The following DLG2 variants were observed in gnomAD, a reference collection of about 807,000 sequenced individuals.
DLG2 encodes the protein discs large MAGUK scaffold protein 2, also known as disks large homolog 2.
Under a neutral mutation model 132.5 loss-of-function variants are expected in DLG2, and 45 were observed. That is an observed-to-expected ratio of 0.34 (90% CI 0.27 to 0.44). The LOEUF is 0.44. Among genes scored for constraint, DLG2 ranks in the 20% least tolerant of loss-of-function variants. DLG2 has a pLI of 1.00. For missense variants in DLG2, 1,045 were observed against 1,196.9 expected (o/e 0.87, Z 1.87); for synonymous variants, 424 against 419.6 (o/e 1.01, Z -0.13).
chr11:84,195,724 C>T (rs370700129), intron 8 of DLG2, among the ~76,000 whole-genome samples: 7 of 152,192 alleles, frequency 4.6e-5, no homozygotes, highest in Non-Finnish European at 8.8e-5. Context: ...CACTTCCACA[C>T]GAAACTTCTG....
intron 6 of DLG2, among the ~76,000 whole-genome samples, chr11:84,914,972 G>A (rs2092362227): frequency 6.6e-6 from 1 of 152,150 alleles, no homozygotes; most frequent in South Asian, 2.1e-4. Context: ...CCAAAGGCCA[G>A]GGACAGGGAA....
At chr11:85,212,921 G>A (rs183628006) in intron 4 of DLG2, among the ~76,000 whole-genome samples, 19 of 152,240 alleles carry the variant, frequency 1.2e-4, no homozygotes, top group Middle Eastern at 3.4e-3. Flanking sequence ...CCAGATAAAA[G>A]TAAGATGAAA....
chr11:84,917,195 C>T (rs1270107552), intron 6 of DLG2, among the ~76,000 whole-genome samples: 1 of 152,108 alleles, frequency 6.6e-6, no homozygotes, highest in East Asian at 1.9e-4. Context: ...GTAATAGGTA[C>T]TATATCAAAT....
At chr11:85,582,760 A>G (rs1225810969) in intron 3 of DLG2, among the ~76,000 whole-genome samples, 1 of 143,712 alleles carries the variant, frequency 7.0e-6, no homozygotes, top group Non-Finnish European at 1.5e-5. Context: ...TTATTTTTGA[A>G]TAACTTTTTT....
intron 3 of DLG2, among the ~76,000 whole-genome samples, chr11:85,495,225 T>A (rs2093643839): frequency 6.6e-6 from 1 of 152,206 alleles, no homozygotes; most frequent in Non-Finnish European, 1.5e-5. Context: ...ATCACTGCTC[T>A]TGAATGTTTA....
intron 18 of DLG2, among the ~76,000 whole-genome samples, chr11:83,695,483 C>T (rs1388623687): frequency 6.6e-6 from 1 of 152,172 alleles, no homozygotes; most frequent in Non-Finnish European, 1.5e-5. Context: ...TGGCTCACGC[C>T]TCTAATCCCA....
chr11:84,956,071 G>T (rs192087791), intron 6 of DLG2, among the ~76,000 whole-genome samples: 1 of 152,260 alleles, frequency 6.6e-6, no homozygotes, highest in East Asian at 1.9e-4. Flanking sequence ...TCATCAGCCT[G>T]TGGTTTATGA....
chr11:84,242,152 T>G (rs2097237340), intron 8 of DLG2, among the ~76,000 whole-genome samples: 1 of 152,122 alleles, frequency 6.6e-6, no homozygotes, highest in African/African-American at 2.4e-5. Flanking sequence ...CACATAACAG[T>G]CACATTCTTC....
chr11:83,789,397 T>C lies in DLG2; in HGVS notation c.1723-2605A>G, dbSNP rs60028793. On this transcript the variant is annotated intron_variant, in intron 17 of 27. Coordinates refer to ENST00000376104, the MANE Select transcript of DLG2 (RefSeq NM_001142699.3). Reference sequence around the variant, plus strand: ...GGGCGGGGCGGGAGGGGGGGCAGCATTGAGGAGAATTTGATAATTCACATT... The same window carrying C: ...GGGCGGGGCGGGAGGGGGGGCAGCACTGAGGAGAATTTGATAATTCACATT... Among the ~76,000 whole-genome samples the C allele has an allele frequency of 8.6e-3, 1,310 of 151,888 alleles. 25 individuals carry two copies. The highest frequency in any genetic ancestry group is 0.029 in the African/African-American group (1,202 of 41,304).
At chr11:83,538,171 C>G (rs893358144) in intron 20 of DLG2, among the ~76,000 whole-genome samples, 1 of 152,176 alleles carries the variant, frequency 6.6e-6, no homozygotes, top group Non-Finnish European at 1.5e-5. Context: ...ATTATGATAA[C>G]GCTGCCCATA....
intron 19 of DLG2, among the ~76,000 whole-genome samples, chr11:83,600,964 T>C (rs2058441171): frequency 1.3e-5 from 2 of 152,226 alleles, no homozygotes; most frequent in Non-Finnish European, 2.9e-5. Flanking sequence ...AAGCATTGCC[T>C]ATAGGTATTT....
At chr11:85,228,629 T>C (rs769739738) in intron 4 of DLG2, among the ~76,000 whole-genome samples, 4 of 152,058 alleles carry the variant, frequency 2.6e-5, no homozygotes, top group African/African-American at 7.2e-5. Context: ...TTGATATTAA[T>C]ATAGCTACTC....
At chr11:84,766,605 C>T (rs896561711) in intron 6 of DLG2, among the ~76,000 whole-genome samples, 3 of 151,938 alleles carry the variant, frequency 2.0e-5, no homozygotes, top group Non-Finnish European at 4.4e-5. Flanking sequence ...AGAAATTAAC[C>T]GACTTACTGG....
intron 16 of DLG2, among the ~76,000 whole-genome samples, chr11:83,839,078 C>A (rs79461740): frequency 6.6e-6 from 1 of 152,074 alleles, no homozygotes; most frequent in Non-Finnish European, 1.5e-5. Flanking sequence ...TTGTTAGTGA[C>A]CTTTGCACTT....
At chr11:84,088,896 C>T (rs377689865) in intron 10 of DLG2, among the ~76,000 whole-genome samples, 76 of 152,288 alleles carry the variant, frequency 5.0e-4, no homozygotes, top group African/African-American at 1.8e-3. Flanking sequence ...AGAGCAACAG[C>T]TGGGCTTGTA....
chr11:85,279,973 T>C (rs1041368231), intron 4 of DLG2, among the ~76,000 whole-genome samples: 1 of 152,188 alleles, frequency 6.6e-6, no homozygotes. Flanking sequence ...ATTCACATAA[T>C]GCTTTTTGCT....
chr11:83,869,493 G>T (rs2063024619), intron 16 of DLG2, among the ~76,000 whole-genome samples: 1 of 152,182 alleles, frequency 6.6e-6, no homozygotes, highest in Non-Finnish European at 1.5e-5. Context: ...TAAAGTATGG[G>T]AAGGGTGTCT....
chr11:84,578,996 T>C (rs1195169515), intron 6 of DLG2, among the ~76,000 whole-genome samples: 1 of 152,166 alleles, frequency 6.6e-6, no homozygotes, highest in Non-Finnish European at 1.5e-5. Context: ...ATAAGGGATT[T>C]CCACTTTTAC....
intron 14 of DLG2, among the ~76,000 whole-genome samples, chr11:83,955,516 G>A (rs2086614658): frequency 6.6e-6 from 1 of 152,146 alleles, no homozygotes; most frequent in African/African-American, 2.4e-5. Flanking sequence ...GGCCCAAAGT[G>A]ATAACTTCTA....
Sources: allele counts gnomAD v4.1 joint callset (sites outside exome capture counted in the v4.1 genomes callset), GRCh38; gene constraint gnomAD v4.1.1; transcripts MANE v1.5; gene names NCBI Gene and HGNC (gene_info 2026-07-23, HGNC 2026-07-21).